Variants in NWD2 observed in about 807,000 individuals in gnomAD.
NWD2 encodes NACHT and WD repeat domain-containing protein 2.
In NWD2, 37 loss-of-function variants were observed where a neutral mutation model predicts 132.7. The observed-to-expected ratio is 0.28, with a 90% CI of 0.21 to 0.37. The LOEUF (loss-of-function observed/expected upper bound fraction) is 0.37, where lower values mean the gene tolerates loss of function less well. Among genes scored for constraint, NWD2 ranks in the 10% least tolerant of loss-of-function variants. NWD2 has a pLI of 1.00. For synonymous variants in NWD2, 705 were observed against 803.0 expected, an observed-to-expected ratio of 0.88 and a Z score of 2.06; for missense variants, 1,592 against 2,122.4, an observed-to-expected ratio of 0.75 and a Z score of 4.91.
chr4:37,269,998 G>A (rs999997381), intron 1 of NWD2, among the ~76,000 whole-genome samples: 1 of 151,654 alleles, frequency 6.6e-6, no homozygotes, highest in Non-Finnish European at 1.5e-5. Context: ...ATATTATTTG[G>A]TGTTGTTGGT....
chr4:37,298,176 T>C (rs925785909), intron 1 of NWD2, among the ~76,000 whole-genome samples: 26 of 152,124 alleles, frequency 1.7e-4, no homozygotes, highest in African/African-American at 6.3e-4. Flanking sequence ...GTTATATTAA[T>C]AATTTTTATC....
At chr4:37,369,002 A>G (rs1720159977) in intron 3 of NWD2, among the ~76,000 whole-genome samples, 1 of 152,164 alleles carries the variant, frequency 6.6e-6, no homozygotes, top group Non-Finnish European at 1.5e-5. Context: ...GATTAGAGAT[A>G]CTTCAGAGAC....
At chr4:37,254,842 T>C (rs1045005133) in intron 1 of NWD2, among the ~76,000 whole-genome samples, 1 of 152,224 alleles carries the variant, frequency 6.6e-6, no homozygotes, top group Non-Finnish European at 1.5e-5. Flanking sequence ...TTTCAAAGAC[T>C]GTGAAATGGC....
intron 2 of NWD2, among the ~76,000 whole-genome samples, chr4:37,340,844 A>G (rs191873899): frequency 1.2e-4 from 18 of 152,362 alleles, no homozygotes; most frequent in Admixed American, 1.0e-3. Flanking sequence ...TAGGAGATCA[A>G]TCTTACCTTC....
chr4:37,296,381 T>G (rs1321910013), intron 1 of NWD2, among the ~76,000 whole-genome samples: 4 of 152,166 alleles, frequency 2.6e-5, no homozygotes, highest in Non-Finnish European at 5.9e-5. Flanking sequence ...GATACAAATA[T>G]TGTGATCATG....
chr4:37,402,090 G>T (rs1334175809), intron 3 of NWD2, among the ~76,000 whole-genome samples: 1 of 152,166 alleles, frequency 6.6e-6, no homozygotes, highest in African/African-American at 2.4e-5. Context: ...TAAAAAGGAT[G>T]ACTTCAGCCT....
At chr4:37,362,773 C>T (rs570308151) in intron 3 of NWD2, among the ~76,000 whole-genome samples, 1 of 152,166 alleles carries the variant, frequency 6.6e-6, no homozygotes, top group South Asian at 2.1e-4. Context: ...TTAGTAAGTC[C>T]TCAAAAACAA....
chr4:37,249,264 CAA>C (rs757251271), intron 1 of NWD2, among the ~76,000 whole-genome samples: 1 of 152,200 alleles, frequency 6.6e-6, no homozygotes, highest in Non-Finnish European at 1.5e-5. Flanking sequence ...CAGGTTACTT[CAA>C]GTTTTGCTAC....
At chr4:37,247,614 T>G (rs1408264028) in intron 1 of NWD2, among the ~76,000 whole-genome samples, 1 of 68,090 alleles carries the variant, frequency 1.5e-5, no homozygotes, top group Non-Finnish European at 2.9e-5. Context: ...ATGAATAGAA[T>G]TTTTTTTTTT....
intron 1 of NWD2, among the ~76,000 whole-genome samples, chr4:37,271,176 A>G (rs974724815): frequency 2.0e-5 from 3 of 151,820 alleles, no homozygotes; most frequent in South Asian, 4.1e-4. Flanking sequence ...TAGATAGTGT[A>G]AGTCCATCCA....
intron 2 of NWD2, among the ~76,000 whole-genome samples, chr4:37,335,557 C>T (rs772948598): frequency 3.9e-5 from 6 of 151,996 alleles, no homozygotes; most frequent in African/African-American, 7.2e-5. Flanking sequence ...ACTCCTGGAC[C>T]GTGGCCTGCT....
At chr4:37,338,332 C>T (rs1027815735) in intron 2 of NWD2, among the ~76,000 whole-genome samples, 1 of 152,202 alleles carries the variant, frequency 6.6e-6, no homozygotes, top group African/African-American at 2.4e-5. Flanking sequence ...CTCCATTTTT[C>T]CCCTTCAGGA....
At chr4:37,389,450 C>T (rs1007539338) in intron 3 of NWD2, among the ~76,000 whole-genome samples, 6 of 152,218 alleles carry the variant, frequency 3.9e-5, no homozygotes, top group African/African-American at 1.4e-4. Flanking sequence ...GAGCCCAACA[C>T]CTTTGGACTT....
At chr4:37,425,338 T>C (rs905144061) in intron 3 of NWD2, among the ~76,000 whole-genome samples, 1 of 152,234 alleles carries the variant, frequency 6.6e-6, no homozygotes, top group Admixed American at 6.5e-5. Flanking sequence ...CTTAGATTTT[T>C]CAGCCTTTTG....
At chr4:37,273,359 T>G (rs1342137742) in intron 1 of NWD2, among the ~76,000 whole-genome samples, 3 of 151,936 alleles carry the variant, frequency 2.0e-5, no homozygotes, top group Non-Finnish European at 2.9e-5. Context: ...GGTAAAGGGA[T>G]CAATTCAACA....
chr4:37,425,813 G>A (rs1711990344), intron 3 of NWD2, among the ~76,000 whole-genome samples: 1 of 152,174 alleles, frequency 6.6e-6, no homozygotes, highest in East Asian at 1.9e-4. Flanking sequence ...ATACTCTATT[G>A]CCAGTGAACA....
At chr4:37,354,495 T>C (rs1278306454) in intron 2 of NWD2, among the ~76,000 whole-genome samples, 1 of 152,200 alleles carries the variant, frequency 6.6e-6, no homozygotes. Flanking sequence ...GAGTTTTATC[T>C]ATAAGCCCCT....
intron 2 of NWD2, among the ~76,000 whole-genome samples, chr4:37,343,347 A>T (rs891573613): frequency 1.3e-5 from 2 of 152,238 alleles, no homozygotes; most frequent in East Asian, 3.8e-4. Context: ...AGCTCTGTAC[A>T]CTTGAATATT....
intron 1 of NWD2, among the ~76,000 whole-genome samples, chr4:37,263,566 A>C (rs926279780): frequency 1.7e-4 from 26 of 152,242 alleles, no homozygotes; most frequent in Middle Eastern, 3.4e-3. Context: ...TTAGACTTCT[A>C]AGGTTTTATG....
Sources: gnomAD v4.1 joint callset for allele counts (sites outside exome capture counted in the v4.1 genomes callset) on GRCh38, gnomAD v4.1.1 for gene constraint, MANE v1.5 for transcripts, NCBI Gene and HGNC (gene_info 2026-07-23, HGNC 2026-07-21) for gene names.